The following PIK3CB variants were observed in gnomAD, a reference collection of about 807,000 sequenced individuals.
PIK3CB encodes phosphatidylinositol-4,5-bisphosphate 3-kinase catalytic subunit beta.
A neutral mutation model predicts 136.8 loss-of-function variants in PIK3CB; 39 were observed. The ratio of observed to expected loss-of-function variants is 0.29; its 90% CI spans 0.22 to 0.37. The LOEUF (loss-of-function observed/expected upper bound fraction) is 0.37. Among genes scored for constraint, PIK3CB ranks in the 10% least tolerant of loss-of-function variants. The pLI is 1.00. For synonymous variants in PIK3CB, 428 were observed against 436.6 expected (o/e 0.98, Z 0.25); for missense variants, 868 against 1,275.4 (o/e 0.68, Z 4.87).
Position 138,717,557 on chromosome 3 carries a change from G to A in PIK3CB, c.1051-2838C>T, listed in dbSNP as rs200442535. 1.4e-4 allele frequency among the ~76,000 whole-genome samples: 21 copies of A among 152,024 alleles called. No individual in the cohort carries two copies. In the East Asian group the frequency reaches 3.7e-3, roughly 27 times the overall value. Reference sequence around the variant, plus strand: ...GTTTTTTTTTAAACTTTCATTTTAGGTTTGGGGGTACATGTGAAGGTTCGT... The same window carrying A: ...GTTTTTTTTTAAACTTTCATTTTAGATTTGGGGGTACATGTGAAGGTTCGT... On this transcript the variant is annotated intron_variant, in intron 8 of 23. Transcript: ENST00000674063.
intron 2 of PIK3CB, among the ~76,000 whole-genome samples, chr3:138,779,847 G>A (rs1293334990): frequency 2.0e-5 from 3 of 151,884 alleles, no homozygotes; most frequent in African/African-American, 7.3e-5. Flanking sequence ...TTTCTTATGA[G>A]AAATATTTTC....
chr3:138,824,686 T>C (rs1559893133), intron 1 of PIK3CB, among the ~76,000 whole-genome samples: 1 of 147,952 alleles, frequency 6.8e-6, no homozygotes, highest in Admixed American at 6.8e-5. Flanking sequence ...AGAGCAAAAC[T>C]CCACTTCGGA....
chr3:138,809,807 C>T (rs777617105), intron 1 of PIK3CB, among the ~76,000 whole-genome samples: 4 of 151,954 alleles, frequency 2.6e-5, no homozygotes, highest in Non-Finnish European at 4.4e-5. Context: ...CATATATTTC[C>T]TTGTTCTATC....
At chr3:138,734,523 A>T in intron 7 of PIK3CB, 111 bp downstream of exon 7, 1 of 678,462 alleles carries the variant, frequency 1.5e-6, no homozygotes, top group Non-Finnish European at 2.3e-6. Flanking sequence ...GCAAATATGT[A>T]TTGGTTTTCA....
At position 138,821,696 on chromosome 3, in the gene PIK3CB, A is replaced by C. The variant is rs144097558; in HGVS notation, c.-122+12999T>G. Among the ~76,000 whole-genome samples, 27 of 152,028 alleles carry C rather than the reference A, an allele frequency of 1.8e-4. No homozygotes were observed. In the East Asian group the frequency reaches 5.3e-3, roughly 30 times the overall value. On this transcript the variant is annotated intron_variant, in intron 1 of 23. Transcript: ENST00000674063. ...GCTACTTGGGAGGCTGACACAGAAG[A>C]ATCGCTTGAACCTGGGAGGGAGAGG...
chr3:138,800,947 A>T (rs963606699), intron 1 of PIK3CB, among the ~76,000 whole-genome samples: 1 of 152,096 alleles, frequency 6.6e-6, no homozygotes, highest in Non-Finnish European at 1.5e-5. Flanking sequence ...TTTTCTATTA[A>T]TTCTGAATTA....
intron 13 of PIK3CB, among the ~76,000 whole-genome samples, chr3:138,696,389 G>A (rs188180457): frequency 3.6e-4 from 55 of 151,574 alleles, no homozygotes; most frequent in African/African-American, 8.0e-4. Flanking sequence ...ATAGGGTCTC[G>A]CTATGTTGCT....
chr3:138,800,496 T>A (rs909340243), intron 1 of PIK3CB, among the ~76,000 whole-genome samples: 2 of 151,936 alleles, frequency 1.3e-5, no homozygotes, highest in African/African-American at 4.8e-5. Flanking sequence ...CTTTTTTTTT[T>A]TTGTAGGGAT....
At chr3:138,811,554 T>C (rs1241145954) in intron 1 of PIK3CB, among the ~76,000 whole-genome samples, 1 of 151,350 alleles carries the variant, frequency 6.6e-6, no homozygotes, top group East Asian at 2.0e-4. Flanking sequence ...GCCTCCTGAG[T>C]AGCTGAGATT....
chr3:138,680,214 C>T (rs934428987), intron 19 of PIK3CB, among the ~76,000 whole-genome samples: 11 of 151,684 alleles, frequency 7.3e-5, no homozygotes, highest in Middle Eastern at 3.4e-3. Context: ...AAAAATTAGC[C>T]GGGCGTGGTG....
At chr3:138,800,409 T>C (rs2046158775) in intron 1 of PIK3CB, among the ~76,000 whole-genome samples, 1 of 151,646 alleles carries the variant, frequency 6.6e-6, no homozygotes, top group Non-Finnish European at 1.5e-5. Context: ...ACTGCAGCCT[T>C]GACCTCCTGG....
chr3:138,673,903 T>C (rs952554256), intron 19 of PIK3CB, among the ~76,000 whole-genome samples: 5 of 152,206 alleles, frequency 3.3e-5, no homozygotes, highest in African/African-American at 1.2e-4. Flanking sequence ...TGTCATTCTT[T>C]GGCCTCTCTG....
chr3:138,798,147 G>A lies in PIK3CB; in HGVS notation c.-121-1580C>T, dbSNP rs571002098. Among the ~76,000 whole-genome samples, 3 of 152,044 alleles carry A rather than the reference G, an allele frequency of 2.0e-5. No individual in the cohort carries two copies. In the South Asian group the frequency reaches 6.2e-4, roughly 32 times the overall value. On this transcript the variant is annotated intron_variant, in intron 1 of 23. Transcript: ENST00000674063. ...AGATAGAAAGAAACAAGAATCTGCA[G>A]TTATTTATTTATTTATCTTTTTTTT...
Position 138,747,054 on chromosome 3 carries a change from TTATATATATATATA to T in PIK3CB, c.398-4287_398-4274del, listed in dbSNP as rs59299476. Among the ~76,000 whole-genome samples the T allele has an allele frequency of 4.3e-3, 181 of 42,196 alleles. 1 individual carries two copies. The highest frequency in any genetic ancestry group is 4.8e-3 in the Admixed American group (12 of 2,482). The allele number at this position is 42,196 out of a possible 152,430, so 27.7% of individuals were successfully genotyped here. On this transcript the variant is annotated intron_variant, in intron 4 of 23. Transcript: ENST00000674063. ...CAGTACATATCAAGCTATTCAGCCT[TTATATATATATATA>T]TATATATATATATATATATATATAT...
intron 1 of PIK3CB, among the ~76,000 whole-genome samples, chr3:138,814,010 T>G (rs1336954926): frequency 6.6e-6 from 1 of 152,138 alleles, no homozygotes; most frequent in Non-Finnish European, 1.5e-5. Context: ...TTTCTCAATG[T>G]GGATACTATA....
intron 21 of PIK3CB, 83 bp downstream of exon 21, chr3:138,663,823 C>A: frequency 7.3e-7 from 1 of 1,369,694 alleles, no homozygotes. Context: ...ACAAAAGAAT[C>A]TGGCTGAGTT....
intron 8 of PIK3CB, among the ~76,000 whole-genome samples, chr3:138,721,967 T>C (rs181786946): frequency 1.3e-5 from 2 of 152,290 alleles, no homozygotes; most frequent in Non-Finnish European, 1.5e-5. Context: ...TAGTTTGTTT[T>C]ACCTTATGAG....
rs148837335 is a variant in PIK3CB, at chr3:138,654,110, T to A, written c.*1279A>T. The A allele has an allele frequency of 5.0e-6, 1 of 199,194 alleles. No individual in the cohort carries two copies. Among genetic ancestry groups the A allele is most frequent in the Non-Finnish European group, 1.0e-5 (1 of 96,514 alleles). 12.3% of individuals were successfully genotyped at this position (199,194 alleles called of 1,614,324 possible). The stretch of plus-strand genomic sequence containing the variant: ...ATTAAACATTCTTTAATAAAATTCC[T>A]ATAGAAAGCTCAGTCATAGGGCAAA... On this transcript the variant is annotated 3_prime_UTR_variant, in exon 24 of 24. Coordinates refer to ENST00000674063, the MANE Select transcript of PIK3CB (RefSeq NM_006219.3).
chr3:138,737,784 T>C lies in PIK3CB; in HGVS notation c.724A>G (p.Ser242Gly), dbSNP rs1275472520. The C allele has an allele frequency of 1.2e-6, 2 of 1,612,792 alleles. No homozygotes were observed. The highest frequency in any genetic ancestry group is 1.7e-6 in the Non-Finnish European group (2 of 1,179,124). ...LTIHGKEDEV[S>G]PYDYVLQVSG... ...ACTTGCAACACATAATCATAGGGGC[T>C]AACTTCATCTTCCTTCCCATGAATA... The change falls in exon 6 of 24, where the codon AGC (serine) becomes GGC (glycine). Residue 242 changes from serine to glycine, a missense_variant. Around this residue, in one of 4 missense-constraint regions of PIK3CB, gnomAD observed 612 missense variants for 801.1 expected, o/e 0.76. Coordinates refer to ENST00000674063, the MANE Select transcript of PIK3CB (RefSeq NM_006219.3).
Sources: allele counts gnomAD v4.1 joint callset (sites outside exome capture counted in the v4.1 genomes callset), GRCh38; gene constraint gnomAD v4.1.1; regional missense constraint gnomAD v4.1.1; transcripts MANE v1.5; gene names NCBI Gene and HGNC (gene_info 2026-07-23, HGNC 2026-07-21).